SPOCK3: variants seen among roughly 807,000 people sequenced by gnomAD.
SPOCK3 encodes the protein testican-3.
In SPOCK3, 30 loss-of-function variants were observed where a neutral mutation model predicts 56.6. That is an observed-to-expected ratio of 0.53 (90% CI 0.40 to 0.72). The LOEUF is 0.72. Ranked by LOEUF, SPOCK3 falls within the 30% of genes least tolerant of loss-of-function variation. The probability of loss-of-function intolerance (pLI) is 0.00; values close to 1 mark genes in which losing one functional copy is unlikely to be tolerated. For synonymous variants in SPOCK3, 196 were observed against 183.3 expected (o/e 1.07, Z -0.56); for missense variants, 527 against 530.0 (o/e 0.99, Z 0.06).
rs57460727 is a variant in SPOCK3, at chr4:167,217,118, C to T, written c.189+16867G>A. Among the ~76,000 whole-genome samples, 1,319 of 151,926 alleles carry T rather than the reference C, an allele frequency of 8.7e-3. 11 individuals are homozygous for T. Among genetic ancestry groups the T allele is most frequent in the African/African-American group, 0.029 (1,184 of 41,462 alleles). On this transcript the variant is annotated intron_variant, in intron 2 of 10. Coordinates refer to ENST00000357545, the MANE Select transcript of SPOCK3 (RefSeq NM_001040159.2). ...AAATTTATGTGGCTACTTTATTTGC[C>T]TTTTATTAATGAATGTAAACTTTAA...
At chr4:166,949,843 A>T (rs1200732961) in intron 4 of SPOCK3, among the ~76,000 whole-genome samples, 8 of 152,142 alleles carry the variant, frequency 5.3e-5, no homozygotes, top group South Asian at 2.1e-4. Flanking sequence ...CTAAGCTTCA[A>T]AAGTGAAGGA....
chr4:166,769,854 C>T (rs1022371778), intron 7 of SPOCK3, among the ~76,000 whole-genome samples: 2 of 152,160 alleles, frequency 1.3e-5, no homozygotes, highest in African/African-American at 2.4e-5. Context: ...AGCTTCCTGG[C>T]AGCTTTGTTT....
chr4:167,058,401 G>C (rs1006385593), intron 3 of SPOCK3, among the ~76,000 whole-genome samples: 1 of 152,010 alleles, frequency 6.6e-6, no homozygotes, highest in African/African-American at 2.4e-5. Flanking sequence ...CCATTCATAA[G>C]TGCTTCAAAG....
chr4:167,208,271 G>T (rs1283200365), intron 2 of SPOCK3, among the ~76,000 whole-genome samples: 2 of 152,076 alleles, frequency 1.3e-5, no homozygotes, highest in Non-Finnish European at 2.9e-5. Flanking sequence ...AATTAAAATG[G>T]TATAATAACA....
chr4:167,049,258 A>G (rs1753986355), intron 3 of SPOCK3, among the ~76,000 whole-genome samples: 1 of 152,112 alleles, frequency 6.6e-6, no homozygotes, highest in Non-Finnish European at 1.5e-5. Flanking sequence ...TACTAACAAA[A>G]AAGGTTCAAA....
At chr4:167,233,320 C>T (rs775138537) in intron 2 of SPOCK3, among the ~76,000 whole-genome samples, 6 of 152,190 alleles carry the variant, frequency 3.9e-5, no homozygotes, top group Admixed American at 1.3e-4. Flanking sequence ...TCGCTGTCAC[C>T]TGCAATCCTC....
intron 6 of SPOCK3, among the ~76,000 whole-genome samples, chr4:166,806,677 A>G (rs1579284129): frequency 1.3e-5 from 2 of 152,016 alleles, no homozygotes; most frequent in East Asian, 3.9e-4. Flanking sequence ...GAAAAACACA[A>G]TTGTTTCTTT....
chr4:166,770,192 C>A (rs1159558042), intron 7 of SPOCK3, among the ~76,000 whole-genome samples: 1 of 152,128 alleles, frequency 6.6e-6, no homozygotes, highest in Admixed American at 6.5e-5. Context: ...CACCCACTGT[C>A]CTGCCCCCAC....
intron 2 of SPOCK3, among the ~76,000 whole-genome samples, chr4:167,067,737 A>C (rs1756297186): frequency 6.6e-6 from 1 of 151,782 alleles, no homozygotes; most frequent in African/African-American, 2.4e-5. Context: ...CTTTATTATT[A>C]AAATGAACAT....
intron 4 of SPOCK3, among the ~76,000 whole-genome samples, chr4:166,928,285 T>C (rs1207134221): frequency 6.6e-6 from 1 of 152,228 alleles, no homozygotes; most frequent in Non-Finnish European, 1.5e-5. Flanking sequence ...CAGATGTTTA[T>C]AGCAGCTTTA....
intron 5 of SPOCK3, among the ~76,000 whole-genome samples, chr4:166,904,229 A>T (rs957083540): frequency 6.6e-5 from 10 of 151,970 alleles, no homozygotes; most frequent in Non-Finnish European, 1.3e-4. Context: ...AATGGGAACA[A>T]TATTAGTGTA....
intron 6 of SPOCK3, among the ~76,000 whole-genome samples, chr4:166,842,215 C>G (rs1747491111): frequency 6.6e-6 from 1 of 152,170 alleles, no homozygotes; most frequent in Non-Finnish European, 1.5e-5. Flanking sequence ...ACAAAGCTTC[C>G]ACGGTGAGGA....
Position 167,023,664 on chromosome 4 carries a change from G to A in SPOCK3, c.236-23201C>T, listed in dbSNP as rs542362013. ...TCTGCTTCTGTACTTAAAGAGCACT[G>A]GTGGTTTGTAATGCTCCAGGCATGG... is the stretch of plus-strand genomic sequence containing the variant. On this transcript the variant is annotated intron_variant, in intron 3 of 10. Coordinates refer to ENST00000357545, the MANE Select transcript of SPOCK3 (RefSeq NM_001040159.2). 3.3e-5 allele frequency among the ~76,000 whole-genome samples: 5 copies of A among 151,976 alleles called. No homozygotes were observed. In the South Asian group the frequency reaches 1.0e-3, roughly 32 times the overall value.
At chr4:166,752,069 C>T (rs1022495101) in intron 8 of SPOCK3, among the ~76,000 whole-genome samples, 1 of 152,054 alleles carries the variant, frequency 6.6e-6, no homozygotes, top group African/African-American at 2.4e-5. Context: ...CACTCTGGTA[C>T]TCTGTTGCCC....
intron 7 of SPOCK3, among the ~76,000 whole-genome samples, chr4:166,786,103 T>A (rs540439925): frequency 6.6e-6 from 1 of 152,160 alleles, no homozygotes; most frequent in South Asian, 2.1e-4. Context: ...TGCTCTGGGG[T>A]GCTGTTGCTA....
intron 7 of SPOCK3, among the ~76,000 whole-genome samples, chr4:166,783,920 C>T (rs572025242): frequency 6.6e-6 from 1 of 151,630 alleles, no homozygotes; most frequent in South Asian, 2.1e-4. Flanking sequence ...ATAAAATTTT[C>T]TGTTTTGTTT....
intron 6 of SPOCK3, among the ~76,000 whole-genome samples, chr4:166,834,384 T>G (rs1746397241): frequency 6.6e-6 from 1 of 152,028 alleles, no homozygotes; most frequent in African/African-American, 2.4e-5. Flanking sequence ...CATTGGAGAG[T>G]TCTTGCTTCT....
intron 4 of SPOCK3, among the ~76,000 whole-genome samples, chr4:166,954,110 T>C (rs1242497703): frequency 6.6e-6 from 1 of 152,074 alleles, no homozygotes; most frequent in African/African-American, 2.4e-5. Context: ...TCTATTCAAG[T>C]ATATTGCCCA....
intron 6 of SPOCK3, among the ~76,000 whole-genome samples, chr4:166,796,474 C>T (rs956523112): frequency 2.0e-5 from 3 of 152,092 alleles, no homozygotes; most frequent in East Asian, 1.9e-4. Flanking sequence ...CAAGCTGTCT[C>T]GTATCTCTAC....
Sources: gnomAD v4.1 joint callset for allele counts (sites outside exome capture counted in the v4.1 genomes callset) on GRCh38, gnomAD v4.1.1 for gene constraint, MANE v1.5 for transcripts, NCBI Gene and HGNC (gene_info 2026-07-23, HGNC 2026-07-21) for gene names.